The following SYT14 variants were observed in gnomAD, a reference collection of about 807,000 sequenced individuals.
SYT14 encodes synaptotagmin 14.
A neutral mutation model predicts 74.2 loss-of-function variants in SYT14; 32 were observed. The observed-to-expected ratio is 0.43, with a 90% CI of 0.33 to 0.58. SYT14 has a LOEUF of 0.58. Among genes scored for constraint, SYT14 ranks in the 20% least tolerant of loss-of-function variants. SYT14 has a pLI of 0.05. For synonymous variants in SYT14, 298 were observed against 337.7 expected, an observed-to-expected ratio of 0.88 and a Z score of 1.29; for missense variants, 791 against 981.8, an observed-to-expected ratio of 0.81 and a Z score of 2.60.
chr1:210,083,879 A>AT (rs781419561), intron 5 of SYT14, among the ~76,000 whole-genome samples: 1 of 148,862 alleles, frequency 6.7e-6, no homozygotes, highest in Non-Finnish European at 1.5e-5. Context: ...CAGATTTTTA[A>AT]TTTTTTGTAG....
intron 2 of SYT14, among the ~76,000 whole-genome samples, chr1:209,993,199 T>G (rs753070530): frequency 6.6e-6 from 1 of 152,182 alleles, no homozygotes; most frequent in African/African-American, 2.4e-5. Context: ...CAGCCCCAAC[T>G]GACCTCTGAG....
intron 5 of SYT14, among the ~76,000 whole-genome samples, chr1:210,021,719 T>C (rs1572170737): frequency 6.6e-6 from 1 of 152,136 alleles, no homozygotes; most frequent in South Asian, 2.1e-4. Context: ...GAAGAAATGG[T>C]AATCTGTTTT....
chr1:210,151,409 C>T (rs1265162656), intron 7 of SYT14, among the ~76,000 whole-genome samples: 1 of 151,770 alleles, frequency 6.6e-6, no homozygotes, highest in Non-Finnish European at 1.5e-5. Context: ...GTTTTTGAGA[C>T]AGATCTCGCT....
chr1:210,026,060 G>A (rs1228327154), intron 5 of SYT14, among the ~76,000 whole-genome samples: 1 of 151,480 alleles, frequency 6.6e-6, no homozygotes, highest in African/African-American at 2.4e-5. Flanking sequence ...TGTTGATCAT[G>A]TTTTCTCCTC....
At chr1:210,150,699 C>T (rs1000489625) in intron 7 of SYT14, among the ~76,000 whole-genome samples, 4 of 152,138 alleles carry the variant, frequency 2.6e-5, no homozygotes, top group African/African-American at 9.7e-5. Context: ...TGCTATCTTC[C>T]AGACACAGTG....
At chr1:210,131,089 G>A (rs1200510138) in intron 7 of SYT14, among the ~76,000 whole-genome samples, 3 of 152,174 alleles carry the variant, frequency 2.0e-5, no homozygotes, top group African/African-American at 7.2e-5. Flanking sequence ...ATTCCTTAGT[G>A]AGAATGTGTT....
intron 2 of SYT14, among the ~76,000 whole-genome samples, chr1:210,005,033 G>A (rs537936560): frequency 6.6e-6 from 1 of 151,990 alleles, no homozygotes; most frequent in South Asian, 2.1e-4. Context: ...AACTATGCCG[G>A]ACTCATTTAT....
At chr1:210,035,111 C>G (rs2080630790) in intron 5 of SYT14, among the ~76,000 whole-genome samples, 1 of 151,832 alleles carries the variant, frequency 6.6e-6, no homozygotes, top group Non-Finnish European at 1.5e-5. Flanking sequence ...TAAGCATACC[C>G]TTTTCTCCAC....
intron 1 of SYT14, among the ~76,000 whole-genome samples, chr1:209,946,716 T>C (rs931219692): frequency 6.6e-6 from 1 of 152,216 alleles, no homozygotes; most frequent in Non-Finnish European, 1.5e-5. Context: ...GCTGAGATCA[T>C]TGATGAAGGT....
intron 5 of SYT14, among the ~76,000 whole-genome samples, chr1:210,090,016 G>C (rs2081831936): frequency 6.6e-6 from 1 of 152,148 alleles, no homozygotes; most frequent in Admixed American, 6.5e-5. Context: ...TTGGTTGGAG[G>C]AGGCGACCAA....
At chr1:210,047,181 T>C (rs1558151841) in intron 5 of SYT14, among the ~76,000 whole-genome samples, 1 of 152,166 alleles carries the variant, frequency 6.6e-6, no homozygotes, top group East Asian at 1.9e-4. Flanking sequence ...AGATTTATTA[T>C]TAGAAATTTT....
intron 2 of SYT14, among the ~76,000 whole-genome samples, chr1:209,976,633 C>T (rs968750338): frequency 2.8e-4 from 43 of 152,038 alleles, no homozygotes; most frequent in African/African-American, 1.0e-3. Context: ...ACTATGTGGT[C>T]AATTTTGGAA....
chr1:209,956,604 C>T (rs1239112729), intron 2 of SYT14, among the ~76,000 whole-genome samples: 6 of 152,126 alleles, frequency 3.9e-5, no homozygotes, highest in African/African-American at 1.4e-4. Flanking sequence ...AACTTCAAAA[C>T]AGGCTAGGAA....
At chr1:210,048,470 G>A (rs2080927515) in intron 5 of SYT14, among the ~76,000 whole-genome samples, 1 of 152,150 alleles carries the variant, frequency 6.6e-6, no homozygotes, top group Non-Finnish European at 1.5e-5. Context: ...GCTGCTGCGG[G>A]AAAGTCCCCC....
intron 1 of SYT14, among the ~76,000 whole-genome samples, chr1:209,949,099 G>T (rs1177478460): frequency 1.3e-5 from 2 of 152,110 alleles, no homozygotes; most frequent in East Asian, 1.9e-4. Flanking sequence ...AAACTTTTCA[G>T]ATTTACTTTT....
intron 7 of SYT14, among the ~76,000 whole-genome samples, chr1:210,112,592 G>T (rs1337969052): frequency 3.3e-5 from 5 of 151,322 alleles, no homozygotes; most frequent in African/African-American, 1.2e-4. Context: ...GTGAGGGACG[G>T]AAGTTGGAAG....
At chr1:210,129,059 A>G (rs1474559268) in intron 7 of SYT14, among the ~76,000 whole-genome samples, 1 of 152,214 alleles carries the variant, frequency 6.6e-6, no homozygotes, top group Non-Finnish European at 1.5e-5. Context: ...TACAAATGAA[A>G]TTATAGTAAA....
intron 2 of SYT14, among the ~76,000 whole-genome samples, chr1:209,990,813 A>G (rs1207100582): frequency 1.3e-5 from 2 of 151,902 alleles, no homozygotes; most frequent in African/African-American, 4.8e-5. Context: ...CATTCTTGTC[A>G]TTTCCTCGTT....
chr1:209,966,420 T>C (rs1446800461), intron 2 of SYT14, among the ~76,000 whole-genome samples: 1 of 152,216 alleles, frequency 6.6e-6, no homozygotes, highest in African/African-American at 2.4e-5. Context: ...CACCTGTAGA[T>C]AAGCTGGATA....
Sources: gnomAD v4.1 joint callset for allele counts (sites outside exome capture counted in the v4.1 genomes callset) on GRCh38, gnomAD v4.1.1 for gene constraint, MANE v1.5 for transcripts, NCBI Gene and HGNC (gene_info 2026-07-23, HGNC 2026-07-21) for gene names.